The following WAC variants were observed in gnomAD, a reference collection of about 807,000 sequenced individuals.
The protein encoded by WAC is WW domain containing adaptor with coiled-coil, also known as WW domain-containing adapter protein with coiled-coil.
Under a neutral mutation model 79.6 loss-of-function variants are expected in WAC, and 11 were observed. That is an observed-to-expected ratio of 0.14 (90% CI 0.09 to 0.23). The LOEUF (loss-of-function observed/expected upper bound fraction) is 0.23, where lower values mean the gene tolerates loss of function less well. WAC is among the 10% of genes least tolerant of loss of function. The pLI, the probability that WAC is intolerant of heterozygous loss-of-function variation, is 1.00. For missense variants in WAC, 728 were observed against 773.5 expected (o/e 0.94, Z 0.70); for synonymous variants, 304 against 276.9 (o/e 1.10, Z -0.97).
At chr10:28,573,991 T>C (rs1243114974) in intron 3 of WAC, among the ~76,000 whole-genome samples, 1 of 152,178 alleles carries the variant, frequency 6.6e-6, no homozygotes, top group Non-Finnish European at 1.5e-5. Flanking sequence ...GGTATTTCAC[T>C]TGGCATATTT....
intron 3 of WAC, chr10:28,538,247 AT>A: frequency 4.2e-6 from 1 of 238,532 alleles, no homozygotes; most frequent in South Asian, 3.6e-5. Context: ...TATATGTATG[AT>A]TTTTATTGCA....
Position 28,620,143 on chromosome 10 carries a change from C to T in WAC, c.*537C>T, listed in dbSNP as rs1841638023. Reference sequence around the variant, plus strand: ...CACCTGATCAAGAGCAGTGCTTCTCCATTTGTTTTGCAGAGAAATGTTTTT... The same window carrying T: ...CACCTGATCAAGAGCAGTGCTTCTCTATTTGTTTTGCAGAGAAATGTTTTT... On this transcript the variant is annotated 3_prime_UTR_variant, in exon 14 of 14. Transcript: ENST00000354911. 2 of 152,582 alleles carry T rather than the reference C, an allele frequency of 1.3e-5. No individual in the cohort carries two copies. The highest frequency in any genetic ancestry group is 1.3e-4 in the Admixed American group (2 of 15,256). The allele number at this position is 152,582 out of a possible 1,614,324, so 9.5% of individuals were successfully genotyped here.
intron 3 of WAC, among the ~76,000 whole-genome samples, chr10:28,580,016 C>T (rs1352418217): frequency 1.3e-5 from 2 of 152,084 alleles, no homozygotes; most frequent in African/African-American, 2.4e-5. Flanking sequence ...CTTTATCTTA[C>T]TCCTCACCCA....
intron 3 of WAC, among the ~76,000 whole-genome samples, chr10:28,574,173 GT>G (rs1839124188): frequency 6.6e-6 from 1 of 151,330 alleles, no homozygotes; most frequent in African/African-American, 2.4e-5. Flanking sequence ...TTTTGTTTTT[GT>G]TTTTTTTAGA....
At position 28,534,419 on chromosome 10, in the gene WAC, TAAGTG is replaced by T. The variant is rs909951466; in HGVS notation, c.78+389_78+393del. The T allele has an allele frequency of 9.1e-5, 18 of 198,366 alleles. 1 individual carries two copies. Among genetic ancestry groups the T allele is most frequent in the African/African-American group, 1.4e-4 (6 of 43,224 alleles). The allele number at this position is 198,366 out of a possible 1,614,324, so 12.3% of individuals were successfully genotyped here. On this transcript the variant is annotated intron_variant, in intron 2 of 13. Coordinates refer to ENST00000354911, the MANE Select transcript of WAC (RefSeq NM_016628.5). ...AAAGTTAATGTAAAGGTATTAAAAT[TAAGTG>T]AAGAACTTGGGTAAATAGCTAAATG...
chr10:28,533,945 GCCC>G, intron 1 of WAC, 50 bp from the exon 2 acceptor site: 6 of 1,598,554 alleles, frequency 3.8e-6, no homozygotes, highest in Non-Finnish European at 5.1e-6. Context: ...TTCCTCCCCG[GCCC>G]CCCACCCGCG....
At chr10:28,592,562 T>C (rs1047195240) in intron 6 of WAC, among the ~76,000 whole-genome samples, 1 of 151,980 alleles carries the variant, frequency 6.6e-6, no homozygotes, top group African/African-American at 2.4e-5. Context: ...TGGAGGTTGC[T>C]GTGACCTGAG....
intron 7 of WAC, among the ~76,000 whole-genome samples, chr10:28,604,139 C>G (rs974994378): frequency 4.7e-5 from 7 of 150,438 alleles, no homozygotes; most frequent in African/African-American, 1.7e-4. Context: ...CATAGTGTTA[C>G]TTAGCTTTAT....
chr10:28,550,866 T>G (rs1206934796), intron 3 of WAC, among the ~76,000 whole-genome samples: 1 of 152,192 alleles, frequency 6.6e-6, no homozygotes, highest in Non-Finnish European at 1.5e-5. Flanking sequence ...CCATTATCAA[T>G]CTCTTAAGTA....
rs1296385727 is a variant in WAC at position 28,623,009 on chromosome 10, CTA to C, written c.*3407_*3408del. On this transcript the variant is annotated 3_prime_UTR_variant, in exon 14 of 14. Transcript: ENST00000354911. ...CTGAAAAGTAATAAATATGTTTTGA[CTA>C]TATTGTGCAGTTATTTCAGAACTGT... 2.0e-5 allele frequency: 3 copies of C among 152,068 alleles called. No homozygotes were observed. The highest frequency in any genetic ancestry group is 2.9e-5 in the Non-Finnish European group (2 of 67,998). The allele number at this position is 152,068 out of a possible 1,614,324, so 9.4% of individuals were successfully genotyped here.
intron 3 of WAC, among the ~76,000 whole-genome samples, chr10:28,544,776 G>A (rs1013736794): frequency 6.6e-6 from 1 of 152,058 alleles, no homozygotes; most frequent in African/African-American, 2.4e-5. Context: ...TAAAAAAACA[G>A]AAAACGGCCA....
intron 10 of WAC, 72 bp downstream of exon 10, chr10:28,611,994 T>C (rs965631324): frequency 4.5e-6 from 7 of 1,554,084 alleles, no homozygotes; most frequent in Non-Finnish European, 6.1e-6. Context: ...TTTTAGAATC[T>C]GTTATAGAAA....
chr10:28,608,558 TTTTG>T, intron 8 of WAC, 127 bp downstream of exon 8: 3 of 1,080,178 alleles, frequency 2.8e-6, no homozygotes, highest in Non-Finnish European at 3.9e-6. Flanking sequence ...CTTTTTTTTG[TTTTG>T]TTTTTTGTTT....
At chr10:28,564,676 G>C (rs1049175820) in intron 3 of WAC, among the ~76,000 whole-genome samples, 2 of 152,176 alleles carry the variant, frequency 1.3e-5, no homozygotes, top group South Asian at 4.1e-4. Context: ...AATCTATTTT[G>C]AGATAATTGT....
chr10:28,600,016 A>G (rs1840562619), intron 7 of WAC, among the ~76,000 whole-genome samples: 1 of 152,204 alleles, frequency 6.6e-6, no homozygotes, highest in Non-Finnish European at 1.5e-5. Flanking sequence ...TGGTGAAATG[A>G]CAAAATAGGA....
intron 12 of WAC, among the ~76,000 whole-genome samples, chr10:28,617,261 G>C (rs2132869541): frequency 6.6e-6 from 1 of 152,298 alleles, no homozygotes; most frequent in African/African-American, 2.4e-5. Flanking sequence ...AGTTTACAGA[G>C]AATATGTTGT....
intron 3 of WAC, among the ~76,000 whole-genome samples, chr10:28,582,088 C>G (rs754897388): frequency 1.3e-5 from 2 of 152,278 alleles, no homozygotes; most frequent in Non-Finnish European, 1.5e-5. Context: ...TTTGTGACAT[C>G]ACTAGCTTTC....
At chr10:28,560,171 G>C (rs766473233) in intron 3 of WAC, among the ~76,000 whole-genome samples, 6 of 152,012 alleles carry the variant, frequency 3.9e-5, no homozygotes, top group Non-Finnish European at 8.8e-5. Context: ...GTGAGACTCT[G>C]TTTCTGCAAA....
intron 3 of WAC, among the ~76,000 whole-genome samples, chr10:28,537,958 C>T (rs992810724): frequency 1.3e-5 from 2 of 152,268 alleles, no homozygotes; most frequent in Admixed American, 6.5e-5. Flanking sequence ...AGCTGATTGT[C>T]GTCTTCTGGA....
Sources: allele counts gnomAD v4.1 joint callset (sites outside exome capture counted in the v4.1 genomes callset), GRCh38; gene constraint gnomAD v4.1.1; transcripts MANE v1.5; gene names NCBI Gene and HGNC (gene_info 2026-07-23, HGNC 2026-07-21).